Variants in ANKFN1 observed in about 807,000 individuals in gnomAD.
ANKFN1 encodes ankyrin repeat and fibronectin type III domain containing 1, also known as ankyrin repeat and fibronectin type-III domain-containing protein 1.
In ANKFN1, 74 loss-of-function variants were observed where a neutral mutation model predicts 108.7. The ratio of observed to expected loss-of-function variants is 0.68; its 90% CI spans 0.56 to 0.83. The LOEUF is 0.83. Ranked by LOEUF, ANKFN1 falls within the 40% of genes least tolerant of loss-of-function variation. The pLI, the probability that ANKFN1 is intolerant of heterozygous loss-of-function variation, is 0.00. For synonymous variants in ANKFN1, 547 were observed against 516.2 expected, an observed-to-expected ratio of 1.06 and a Z score of -0.81; for missense variants, 1,505 against 1,382.3, an observed-to-expected ratio of 1.09 and a Z score of -1.41.
intron 8 of ANKFN1, 150 bp from the exon 9 acceptor site, chr17:56,440,177 G>A (rs2049052679): frequency 2.4e-6 from 1 of 411,918 alleles, no homozygotes; most frequent in Non-Finnish European, 4.4e-6. Flanking sequence ...CTCAAGGAAT[G>A]TTGTCTGATA....
intron 4 of ANKFN1, among the ~76,000 whole-genome samples, chr17:56,136,032 G>A (rs1362115227): frequency 6.6e-6 from 1 of 152,150 alleles, no homozygotes; most frequent in East Asian, 1.9e-4. Flanking sequence ...AACAATAAAA[G>A]AGATTTTTAG....
intron 6 of ANKFN1, among the ~76,000 whole-genome samples, chr17:56,363,308 G>GA (rs1180677978): frequency 1.3e-5 from 2 of 151,808 alleles, no homozygotes; most frequent in African/African-American, 2.4e-5. Flanking sequence ...CAGATATATG[G>GA]AAAAAAAATG....
chr17:56,092,721 G>A (rs180796131), intron 4 of ANKFN1, among the ~76,000 whole-genome samples: 100 of 151,298 alleles, frequency 6.6e-4, no homozygotes, highest in African/African-American at 2.3e-3. Flanking sequence ...GGTTTTGGCC[G>A]TCTAGAGTCT....
chr17:56,140,845 C>T (rs1215954392), intron 4 of ANKFN1, among the ~76,000 whole-genome samples: 2 of 152,110 alleles, frequency 1.3e-5, no homozygotes, highest in Admixed American at 1.3e-4. Flanking sequence ...TAGATATAAC[C>T]TTTATCTCCT....
At chr17:56,237,433 G>A (rs1269291606) in intron 3 of ANKFN1, among the ~76,000 whole-genome samples, 1 of 152,046 alleles carries the variant, frequency 6.6e-6, no homozygotes, top group Non-Finnish European at 1.5e-5. Flanking sequence ...TAATCGGTAG[G>A]CTATTTATTA....
In ANKFN1 at chr17:56,511,532, C is replaced by A; in HGVS notation, c.*263C>A. ...GGAATACGACATACAGTGACTCAAA[C>A]ATGCCACCCTGTTGGTGGCACCTAT... On this transcript the variant is annotated 3_prime_UTR_variant, in exon 21 of 21. Transcript: ENST00000682825. 1 of 435,364 alleles carries A rather than the reference C, an allele frequency of 2.3e-6. No homozygotes were observed. The highest frequency in any genetic ancestry group is 4.6e-5 in the South Asian group (1 of 21,796). The allele number at this position is 435,364 out of a possible 1,614,324, so 27.0% of individuals were successfully genotyped here.
intron 3 of ANKFN1, among the ~76,000 whole-genome samples, chr17:56,276,426 C>T (rs2043936649): frequency 6.6e-6 from 1 of 152,176 alleles, no homozygotes; most frequent in Non-Finnish European, 1.5e-5. Flanking sequence ...GGAATCGCCA[C>T]ACTGTCTTCC....
At chr17:56,446,818 T>C (rs898017935) in intron 10 of ANKFN1, among the ~76,000 whole-genome samples, 1 of 151,672 alleles carries the variant, frequency 6.6e-6, no homozygotes, top group East Asian at 1.9e-4. Context: ...GGCAGGAGAA[T>C]TGCTTGAACT....
intron 9 of ANKFN1, among the ~76,000 whole-genome samples, chr17:56,441,532 G>A (rs917386835): frequency 6.6e-6 from 1 of 152,194 alleles, no homozygotes; most frequent in Non-Finnish European, 1.5e-5. Context: ...GGCCCCCAGA[G>A]ATGCTATCAG....
intron 8 of ANKFN1, among the ~76,000 whole-genome samples, chr17:56,406,881 C>A (rs2047938314): frequency 6.6e-6 from 1 of 152,100 alleles, no homozygotes; most frequent in Non-Finnish European, 1.5e-5. Flanking sequence ...TATAAGATCA[C>A]TTTAGCTCTG....
intron 4 of ANKFN1, among the ~76,000 whole-genome samples, chr17:56,328,019 G>A (rs1042679066): frequency 6.6e-6 from 1 of 152,148 alleles, no homozygotes; most frequent in African/African-American, 2.4e-5. Flanking sequence ...TAGAAGAGGA[G>A]AATGGAGCTG....
chr17:56,271,366 C>A (rs986887091), intron 3 of ANKFN1, among the ~76,000 whole-genome samples: 1 of 152,138 alleles, frequency 6.6e-6, no homozygotes, highest in Non-Finnish European at 1.5e-5. Context: ...ACCATTCTTC[C>A]TTAGATACCA....
chr17:56,311,265 A>C (rs1598390963), intron 3 of ANKFN1, among the ~76,000 whole-genome samples: 2 of 152,138 alleles, frequency 1.3e-5, no homozygotes, highest in Admixed American at 1.3e-4. Context: ...GCCACCTACT[A>C]GCCATGAGAC....
chr17:56,225,250 G>A (rs1013401307), intron 2 of ANKFN1, among the ~76,000 whole-genome samples: 7 of 152,032 alleles, frequency 4.6e-5, no homozygotes, highest in African/African-American at 9.7e-5. Context: ...CTGCTCTAGC[G>A]TAAGAATAAT....
chr17:56,483,597 A>G (rs1328156862), intron 18 of ANKFN1, among the ~76,000 whole-genome samples: 1 of 152,246 alleles, frequency 6.6e-6, no homozygotes, highest in Non-Finnish European at 1.5e-5. Context: ...AGCTCAAATC[A>G]GACTCGTAGA....
At chr17:56,276,208 C>T (rs1009327204) in intron 3 of ANKFN1, among the ~76,000 whole-genome samples, 1 of 152,096 alleles carries the variant, frequency 6.6e-6, no homozygotes, top group African/African-American at 2.4e-5. Flanking sequence ...TGGAATACTG[C>T]ATAGTATTCC....
At chr17:56,167,221 ATG>A (rs929013390) in intron 1 of ANKFN1, among the ~76,000 whole-genome samples, 21 of 148,396 alleles carry the variant, frequency 1.4e-4, no homozygotes, top group Non-Finnish European at 2.1e-4. Flanking sequence ...ATACATTCAT[ATG>A]TGTGTGCATA....
intron 2 of ANKFN1, among the ~76,000 whole-genome samples, chr17:56,218,014 C>G (rs1354530058): frequency 6.6e-6 from 1 of 152,174 alleles, no homozygotes; most frequent in Admixed American, 6.5e-5. Flanking sequence ...CATCCTTTCT[C>G]ACCTGCATTC....
At chr17:56,070,744 CT>C (rs536452426) in intron 4 of ANKFN1, among the ~76,000 whole-genome samples, 6 of 128,784 alleles carry the variant, frequency 4.7e-5, no homozygotes, top group Non-Finnish European at 3.5e-5. Context: ...GTATTTTTTT[CT>C]TTTTTTTTTT....
Sources: gnomAD v4.1 joint callset for allele counts (sites outside exome capture counted in the v4.1 genomes callset) on GRCh38, gnomAD v4.1.1 for gene constraint, MANE v1.5 for transcripts, NCBI Gene and HGNC (gene_info 2026-07-23, HGNC 2026-07-21) for gene names.